The following CLVS1 variants were observed in gnomAD, a reference collection of about 807,000 sequenced individuals.
The protein encoded by CLVS1 is clavesin 1, also known as clavesin-1.
In CLVS1, 10 loss-of-function variants were observed where a neutral mutation model predicts 33.1. That is an observed-to-expected ratio of 0.30 (90% confidence interval 0.19 to 0.51). The LOEUF is 0.51. Ranked by LOEUF, CLVS1 falls within the 20% of genes least tolerant of loss-of-function variation. The probability of loss-of-function intolerance (pLI) is 0.97; values close to 1 mark genes in which losing one functional copy is unlikely to be tolerated. For synonymous variants in CLVS1, 163 were observed against 166.1 expected, an observed-to-expected ratio of 0.98 and a Z score of 0.14; for missense variants, 343 against 433.4, an observed-to-expected ratio of 0.79 and a Z score of 1.85.
At chr8:61,075,607 C>T (rs185236521) in intron 1 of CLVS1, among the ~76,000 whole-genome samples, 8 of 152,346 alleles carry the variant, frequency 5.3e-5, no homozygotes, top group African/African-American at 1.7e-4. Flanking sequence ...GAATTATAAG[C>T]ACCTAATTAT....
At chr8:61,163,785 C>T (rs1806796898) in intron 2 of CLVS1, among the ~76,000 whole-genome samples, 3 of 152,204 alleles carry the variant, frequency 2.0e-5, no homozygotes, top group Admixed American at 6.5e-5. Context: ...AGCCTTTAGG[C>T]CGTTGGGGAG....
At chr8:61,149,213 TGAAA>T (rs1806475108) in intron 2 of CLVS1, among the ~76,000 whole-genome samples, 1 of 151,464 alleles carries the variant, frequency 6.6e-6, no homozygotes, top group Non-Finnish European at 1.5e-5. Flanking sequence ...AAAAAATAGT[TGAAA>T]GAAAGAGAGG....
rs79363213 is a variant in CLVS1, at chr8:61,497,799, T to G, written c.978-1656T>G. Among the ~76,000 whole-genome samples the G allele has an allele frequency of 8.6e-3, 1,309 of 152,326 alleles. 13 individuals carry two copies. Among genetic ancestry groups the G allele is most frequent in the African/African-American group, 0.028 (1,178 of 41,572 alleles). On this transcript the variant is annotated intron_variant, in intron 5 of 5. Transcript: ENST00000325897. ...TCTGAGGGCTGCTGGTTGCCCATTC[T>G]TACGGTTATTTCTTGATTATATGCT...
In CLVS1 at chr8:61,239,417, TA is replaced by T. The variant is rs1808645723; in HGVS notation, c.-151-60259del. ...GAGATCAATTATGTTCTAATATAGGTATTTTTTTTAGTCTTTTAATATATTA... is the reference window on the plus strand; with the variant it reads ...GAGATCAATTATGTTCTAATATAGGTTTTTTTTTAGTCTTTTAATATATTA... On this transcript the variant is annotated intron_variant, in intron 2 of 2. Transcript: ENST00000522621. Among the ~76,000 whole-genome samples, 4 of 152,268 alleles carry T rather than the reference TA, an allele frequency of 2.6e-5. No individual in the cohort carries two copies. In the South Asian group the frequency reaches 8.3e-4, roughly 32 times the overall value.
chr8:61,085,149 A>G (rs1015092039), intron 1 of CLVS1, among the ~76,000 whole-genome samples: 2 of 152,240 alleles, frequency 1.3e-5, no homozygotes, highest in Admixed American at 6.5e-5. Context: ...ATGTCCTGCC[A>G]GTCAGTTTTG....
the CLVS1 span, among the ~76,000 whole-genome samples, chr8:61,007,859 G>C: frequency 6.6e-6 from 1 of 152,144 alleles, no homozygotes; most frequent in Non-Finnish European, 1.5e-5. Flanking sequence ...AGGGCCATGC[G>C]CTCGGAACAG....
chr8:61,434,144 A>G (rs1305603759), intron 3 of CLVS1, among the ~76,000 whole-genome samples: 1 of 152,154 alleles, frequency 6.6e-6, no homozygotes, highest in Non-Finnish European at 1.5e-5. Context: ...TACTTAAAGT[A>G]AGGTGTTGGG....
chr8:61,102,398 T>C (rs1005371468), intron 1 of CLVS1, among the ~76,000 whole-genome samples: 1 of 152,230 alleles, frequency 6.6e-6, no homozygotes, highest in African/African-American at 2.4e-5. Flanking sequence ...TTAATTTTGG[T>C]TGGTTCATTG....
At chr8:61,277,964 C>T (rs562376327) in intron 2 of CLVS1, among the ~76,000 whole-genome samples, 1 of 152,118 alleles carries the variant, frequency 6.6e-6, no homozygotes, top group Non-Finnish European at 1.5e-5. Context: ...GTTAGTAAAG[C>T]TTGTTAATGT....
At chr8:61,040,933 A>G in the CLVS1 span, among the ~76,000 whole-genome samples, 1 of 150,380 alleles carries the variant, frequency 6.6e-6, no homozygotes, top group South Asian at 2.1e-4. Context: ...GGTATTTCCT[A>G]GTTTTTTTTT....
intron 2 of CLVS1, among the ~76,000 whole-genome samples, chr8:61,306,155 A>G (rs1371327925): frequency 6.6e-6 from 1 of 152,196 alleles, no homozygotes; most frequent in Non-Finnish European, 1.5e-5. Context: ...AGTTTCACCA[A>G]CAGTGTATAA....
intron 1 of CLVS1, among the ~76,000 whole-genome samples, chr8:61,073,223 C>CT (rs1420700164): frequency 1.3e-5 from 2 of 152,198 alleles, no homozygotes; most frequent in Non-Finnish European, 2.9e-5. Flanking sequence ...TTACAATCTA[C>CT]TTGGATACTA....
At chr8:61,475,059 T>A (rs1045964284) in intron 5 of CLVS1, among the ~76,000 whole-genome samples, 2 of 152,224 alleles carry the variant, frequency 1.3e-5, no homozygotes, top group Non-Finnish European at 2.9e-5. Flanking sequence ...TGGTTTTTTG[T>A]CCTTGTGATA....
At chr8:61,011,559 C>T in the CLVS1 span, among the ~76,000 whole-genome samples, 2 of 152,100 alleles carry the variant, frequency 1.3e-5, no homozygotes, top group African/African-American at 4.8e-5. Context: ...AGCGATTCCC[C>T]TGCCTCAGCC....
chr8:61,043,200 A>G, the CLVS1 span, among the ~76,000 whole-genome samples: 1 of 152,250 alleles, frequency 6.6e-6, no homozygotes, highest in Non-Finnish European at 1.5e-5. Context: ...CATACTAGGT[A>G]AGAACATACT....
intron 2 of CLVS1, among the ~76,000 whole-genome samples, chr8:61,258,802 TA>T (rs1299977098): frequency 1.3e-5 from 2 of 152,198 alleles, no homozygotes; most frequent in Non-Finnish European, 2.9e-5. Context: ...AATGATTACA[TA>T]ATTAACATAA....
chr8:61,474,422 G>A (rs1357619481), intron 5 of CLVS1, among the ~76,000 whole-genome samples: 1 of 152,148 alleles, frequency 6.6e-6, no homozygotes, highest in Non-Finnish European at 1.5e-5. Flanking sequence ...AGGGAGAGAT[G>A]GGGAAGATAT....
intron 2 of CLVS1, among the ~76,000 whole-genome samples, chr8:61,280,587 T>C (rs1447312830): frequency 2.0e-5 from 3 of 152,256 alleles, no homozygotes; most frequent in Non-Finnish European, 4.4e-5. Flanking sequence ...ATTAAAATAG[T>C]AAGACCATTA....
At chr8:61,101,584 G>C (rs979330959) in intron 1 of CLVS1, among the ~76,000 whole-genome samples, 2 of 152,040 alleles carry the variant, frequency 1.3e-5, no homozygotes, top group African/African-American at 4.8e-5. Context: ...TTCACTTTCT[G>C]TGTGGTGCTT....
Sources: allele counts gnomAD v4.1 joint callset (sites outside exome capture counted in the v4.1 genomes callset), GRCh38; gene constraint gnomAD v4.1.1; transcripts MANE v1.5; gene names NCBI Gene and HGNC (gene_info 2026-07-23, HGNC 2026-07-21).